RB1CC1: variants seen among roughly 807,000 people sequenced by gnomAD.
The protein encoded by RB1CC1 is RB1 inducible coiled-coil 1.
In RB1CC1, 46 loss-of-function variants were observed where a neutral mutation model predicts 177.5. The ratio of observed to expected loss-of-function variants is 0.26; its 90% CI spans 0.20 to 0.33. The LOEUF (loss-of-function observed/expected upper bound fraction) is 0.33. Among genes scored for constraint, RB1CC1 ranks in the 10% least tolerant of loss-of-function variants. The probability of loss-of-function intolerance (pLI) is 1.00; values close to 1 mark genes in which losing one functional copy is unlikely to be tolerated. For synonymous variants in RB1CC1, 666 were observed against 613.6 expected (o/e 1.09, Z -1.26); for missense variants, 1,703 against 1,816.3 (o/e 0.94, Z 1.13).
At position 52,643,982 on chromosome 8, in the gene RB1CC1, G is replaced by A. The variant is rs139161949; in HGVS notation, c.3988-1170C>T. Among the ~76,000 whole-genome samples the A allele has an allele frequency of 7.9e-5, 12 of 151,918 alleles. No homozygotes were observed. In the East Asian group the frequency reaches 2.3e-3, roughly 29 times the overall value. On this transcript the variant is annotated intron_variant, in intron 16 of 23. Transcript: ENST00000025008. The stretch of plus-strand genomic sequence containing the variant: ...TTTCTGGCCACAAAGCATACAGGAA[G>A]ATCTCTCAAAAAGAAACATTTATGA...
At chr8:52,706,516 A>C (rs1328242851) in intron 1 of RB1CC1, among the ~76,000 whole-genome samples, 1 of 151,700 alleles carries the variant, frequency 6.6e-6, no homozygotes, top group Non-Finnish European at 1.5e-5. Context: ...GCGGATCATG[A>C]GGTCAGGAGA....
chr8:52,650,646 GA>G (rs140898863), intron 15 of RB1CC1, among the ~76,000 whole-genome samples: 1 of 150,900 alleles, frequency 6.6e-6, no homozygotes, highest in Non-Finnish European at 1.5e-5. Flanking sequence ...GACTCTAGAG[GA>G]AAAAAAAATC....
intron 1 of RB1CC1, among the ~76,000 whole-genome samples, chr8:52,695,711 T>C (rs1490160462): frequency 6.6e-6 from 1 of 152,244 alleles, no homozygotes; most frequent in Non-Finnish European, 1.5e-5. Flanking sequence ...ACACTGTCTA[T>C]GACTCCACCA....
At chr8:52,647,023 G>A (rs1850109665) in intron 15 of RB1CC1, among the ~76,000 whole-genome samples, 1 of 152,026 alleles carries the variant, frequency 6.6e-6, no homozygotes, top group Non-Finnish European at 1.5e-5. Context: ...TGAAATCAGG[G>A]TGTGTTCTGC....
intron 22 of RB1CC1, among the ~76,000 whole-genome samples, chr8:52,625,837 A>C (rs1021379846): frequency 2.6e-5 from 4 of 152,248 alleles, no homozygotes; most frequent in African/African-American, 9.6e-5. Context: ...AGTTTTAAGT[A>C]GAACTACCAT....
intron 1 of RB1CC1, among the ~76,000 whole-genome samples, chr8:52,713,414 A>T (rs964703296): frequency 1.3e-5 from 2 of 152,196 alleles, no homozygotes; most frequent in Non-Finnish European, 2.9e-5. Context: ...TGGTTAATGT[A>T]TTTTTGTTTC....
At chr8:52,678,501 T>C (rs756910167) in intron 5 of RB1CC1, among the ~76,000 whole-genome samples, 1 of 152,008 alleles carries the variant, frequency 6.6e-6, no homozygotes, top group Non-Finnish European at 1.5e-5. Context: ...ACAACAGAGG[T>C]ATGAGAGAGA....
At chr8:52,711,033 T>TA (rs2150731987) in intron 1 of RB1CC1, among the ~76,000 whole-genome samples, 1 of 152,270 alleles carries the variant, frequency 6.6e-6, no homozygotes, top group South Asian at 2.1e-4. Context: ...CAATTATTTT[T>TA]ATCTCCTAGC....
chr8:52,639,674 A>G (rs1200613756), intron 18 of RB1CC1, among the ~76,000 whole-genome samples: 2 of 152,204 alleles, frequency 1.3e-5, no homozygotes, highest in Non-Finnish European at 2.9e-5. Flanking sequence ...ATTATTAAAT[A>G]AATGGGCACT....
At chr8:52,705,388 A>C (rs1591149193) in intron 1 of RB1CC1, among the ~76,000 whole-genome samples, 1 of 152,218 alleles carries the variant, frequency 6.6e-6, no homozygotes, top group East Asian at 1.9e-4. Flanking sequence ...ATGAGAACTA[A>C]AACATCAACA....
At position 52,623,868 on chromosome 8, in the gene RB1CC1, GA is replaced by G; in HGVS notation, c.4708-10del. On this transcript the variant is annotated splice_polypyrimidine_tract_variant and intron_variant, in intron 23 of 23. Transcript: ENST00000025008. ...TTAAATCTGTTTTGTGCCTAAGAGG[GA>G]AAGAAAAAATGGAATCACTAGAGTG... 1 of 1,586,132 alleles carries G rather than the reference GA, an allele frequency of 6.3e-7. No homozygotes were observed. Among genetic ancestry groups the G allele is most frequent in the South Asian group, 1.1e-5 (1 of 90,384 alleles).
chr8:52,661,735 T>A lies in RB1CC1; in HGVS notation c.1174-16A>T, dbSNP rs766903737. On this transcript the variant is annotated splice_polypyrimidine_tract_variant and intron_variant, in intron 8 of 23. Coordinates refer to ENST00000025008, the MANE Select transcript of RB1CC1 (RefSeq NM_014781.5). ...CTAAAAATCCCTTTGAGAAAAAAAA[T>A]GTTTCAAAGGACATTAATTTTGTTT... is the stretch of plus-strand genomic sequence containing the variant. The A allele has an allele frequency of 2.0e-6, 3 of 1,525,396 alleles. No individual in the cohort carries two copies. Among genetic ancestry groups the A allele is most frequent in the South Asian group, 1.3e-5 (1 of 77,542 alleles). 94.5% of individuals were successfully genotyped at this position (1,525,396 alleles called of 1,614,324 possible).
At chr8:52,694,321 A>G (rs934134464) in intron 1 of RB1CC1, among the ~76,000 whole-genome samples, 10 of 152,184 alleles carry the variant, frequency 6.6e-5, no homozygotes, top group African/African-American at 2.4e-4. Context: ...ATCTGCTCTC[A>G]AAGCAGAAAA....
intron 1 of RB1CC1, among the ~76,000 whole-genome samples, chr8:52,687,505 A>T (rs1250287747): frequency 6.6e-6 from 1 of 152,224 alleles, no homozygotes; most frequent in African/African-American, 2.4e-5. Flanking sequence ...TCATGTAGGT[A>T]ATCGTTACTT....
intron 15 of RB1CC1, among the ~76,000 whole-genome samples, chr8:52,650,661 T>C (rs898914072): frequency 6.6e-6 from 1 of 152,038 alleles, no homozygotes; most frequent in Non-Finnish European, 1.5e-5. Context: ...AAAAATCCCA[T>C]AAAACATGGA....
chr8:52,650,818 G>A (rs75311131), intron 15 of RB1CC1, among the ~76,000 whole-genome samples: 9,427 of 152,246 alleles, frequency 0.062, 349 homozygotes, highest in African/African-American at 0.09. Context: ...GCAAGGCTTT[G>A]AGACATGTCC....
At chr8:52,641,587 C>T (rs1392660043) in intron 18 of RB1CC1, among the ~76,000 whole-genome samples, 1 of 151,948 alleles carries the variant, frequency 6.6e-6, no homozygotes, top group Non-Finnish European at 1.5e-5. Flanking sequence ...GGGGACCACG[C>T]TGATTCTATG....
chr8:52,685,396 C>G lies in RB1CC1; in HGVS notation c.71+3G>C. On this transcript the variant is annotated splice_donor_region_variant and intron_variant, in intron 3 of 23. Coordinates refer to ENST00000025008, the MANE Select transcript of RB1CC1 (RefSeq NM_014781.5). ...AAAAAAAAATAAATGAAATACAACT[C>G]ACGTTTGCACTGTAAGTTCAGTGTC... The G allele has an allele frequency of 6.3e-7, 1 of 1,576,320 alleles. No homozygotes were observed. The highest frequency in any genetic ancestry group is 2.3e-5 in the East Asian group (1 of 44,438).
chr8:52,642,789 T>C lies in RB1CC1; in HGVS notation c.4011A>G (p.Thr1337=), dbSNP rs1036987425. The C allele has an allele frequency of 4.3e-5, 68 of 1,564,948 alleles. No individual in the cohort carries two copies. The highest frequency in any genetic ancestry group is 5.8e-5 in the Non-Finnish European group (67 of 1,164,544). Residue 1337 remains threonine (T), a synonymous_variant, in exon 17 of 24, where the codon ACA becomes ACG. Transcript: ENST00000025008. ...TGTTTTCTTTTCTCATTTTCTCTCT[T>C]GTTAAAACAGTGTTAAAATTGGTCT... ...EQQTNFNTVL[T]REKMRKENII...
Sources: allele counts gnomAD v4.1 joint callset (sites outside exome capture counted in the v4.1 genomes callset), GRCh38; gene constraint gnomAD v4.1.1; transcripts MANE v1.5; gene names NCBI Gene and HGNC (gene_info 2026-07-23, HGNC 2026-07-21).